Variants in CNN1 observed in about 807,000 individuals in gnomAD.
CNN1 encodes calponin 1.
A neutral mutation model predicts 35.3 loss-of-function variants in CNN1; 21 were observed. That is an observed-to-expected ratio of 0.60 (90% CI 0.42 to 0.86). CNN1 has a LOEUF of 0.86. CNN1 is among the 40% of genes least tolerant of loss of function. CNN1 has a pLI of 0.00. For missense variants in CNN1, 314 were observed against 400.8 expected (o/e 0.78, Z 1.85); for synonymous variants, 164 against 161.8 (o/e 1.01, Z -0.10).
chr19:11,540,076 G>A, intron 1 of CNN1: 1 of 1,034,596 alleles, frequency 9.7e-7, no homozygotes, highest in Non-Finnish European at 1.2e-6. Context: ...AGAAGAGGCA[G>A]CCCGGTCCCC....
At position 11,541,184 on chromosome 19, in the gene CNN1, A is replaced by G. The variant is rs767059100; in HGVS notation, c.172A>G (p.Ile58Val). 1.3e-6 allele frequency: 2 copies of G among 1,586,692 alleles called. No homozygotes were observed. Among genetic ancestry groups the G allele is most frequent in the Admixed American group, 3.5e-5 (2 of 57,252 alleles). Residue 58 changes from isoleucine to valine, a missense_variant, in exon 2 of 7, where the codon ATC becomes GTC. Coordinates refer to ENST00000252456, the MANE Select transcript of CNN1 (RefSeq NM_001299.6). Reference sequence around the variant, plus strand: ...CTTCATGGACGGCCTCAAAGATGGCATCATTCTTTGCGAGTGAGTGAGGCT... The same window carrying G: ...CTTCATGGACGGCCTCAAAGATGGCGTCATTCTTTGCGAGTGAGTGAGGCT... ...NNFMDGLKDG[I>V]ILCEFINKLQ...
intron 2 of CNN1, among the ~76,000 whole-genome samples, chr19:11,541,736 G>A (rs188847234): frequency 2.4e-4 from 36 of 151,892 alleles, no homozygotes; most frequent in African/African-American, 7.2e-4. Flanking sequence ...TTACAGGCAC[G>A]CACCACCATG....
At chr19:11,539,194 G>A (rs553230395) in intron 1 of CNN1, 17 of 1,229,732 alleles carry the variant, frequency 1.4e-5, no homozygotes, top group African/African-American at 4.7e-5. Flanking sequence ...GAATGGGGGG[G>A]CACACAGCCA....
At chr19:11,541,379 C>T (rs1179841840) in intron 2 of CNN1, among the ~76,000 whole-genome samples, 182 bp downstream of exon 2, 1 of 152,124 alleles carries the variant, frequency 6.6e-6, no homozygotes. Context: ...AGGTGAAATG[C>T]ATTGCACCAA....
At chr19:11,539,169 C>T in intron 1 of CNN1, 179 bp downstream of exon 1, 1 of 1,161,098 alleles carries the variant, frequency 8.6e-7, no homozygotes, top group South Asian at 2.3e-5. Flanking sequence ...GAGCCCCCAG[C>T]TATGGTTGGG....
rs1293923323 is a variant in CNN1 at position 11,550,210 on chromosome 19, C to T, written c.*415C>T. The T allele has an allele frequency of 2.2e-5, 4 of 183,656 alleles. No individual in the cohort carries two copies. Among genetic ancestry groups the T allele is most frequent in the Non-Finnish European group, 3.4e-5 (3 of 89,022 alleles). The allele number at this position is 183,656 out of a possible 1,614,324, so 11.4% of individuals were successfully genotyped here. A position where few individuals can be genotyped will look rare whatever the true frequency, so the allele number is the denominator to read the frequency against. ...TGCCCAGAGACCCAGCGGACACACGCGGTTTGGTTTGCAGCGACTGGCATA... is the reference window on the plus strand; with the variant it reads ...TGCCCAGAGACCCAGCGGACACACGTGGTTTGGTTTGCAGCGACTGGCATA... On this transcript the variant is annotated 3_prime_UTR_variant, in exon 7 of 7. Transcript: ENST00000252456.
rs1427023901 is a variant in CNN1, at chr19:11,540,050, C to A, written c.64-1026C>A. ...AGGGGGCCGCCCCTCCCACCTCCCC[C>A]CACTCACCCGGGAGAAGAAGAGGCA... On this transcript the variant is annotated intron_variant, in intron 1 of 6. Transcript: ENST00000252456. 1.2e-5 allele frequency: 12 copies of A among 1,042,632 alleles called. No individual in the cohort carries two copies. The East Asian group carries it at 4.3e-4, about 38-fold the overall frequency. 64.6% of individuals were successfully genotyped at this position (1,042,632 alleles called of 1,614,324 possible).
intron 2 of CNN1, among the ~76,000 whole-genome samples, chr19:11,543,935 G>A (rs1027453554): frequency 2.0e-5 from 3 of 151,602 alleles, no homozygotes; most frequent in Non-Finnish European, 4.4e-5. Context: ...AGAGTGTAGT[G>A]CAGTCACCCA....
intron 4 of CNN1, 126 bp downstream of exon 4, chr19:11,547,095 C>A: frequency 7.2e-7 from 1 of 1,395,470 alleles, no homozygotes; most frequent in Non-Finnish European, 9.9e-7. Context: ...GGAGCAGGTG[C>A]TGTCAACAGC....
chr19:11,539,630 G>T, intron 1 of CNN1: 1 of 732,518 alleles, frequency 1.4e-6, no homozygotes, highest in East Asian at 6.8e-5. Flanking sequence ...GCTTCTCCCA[G>T]CTGGAGAACT....
At chr19:11,546,278 G>A (rs1972579387) in intron 2 of CNN1, among the ~76,000 whole-genome samples, 1 of 152,110 alleles carries the variant, frequency 6.6e-6, no homozygotes, top group African/African-American at 2.4e-5. Context: ...GCCCCTTGTG[G>A]TCATCCCGTC....
chr19:11,541,303 A>G (rs1046426956), intron 2 of CNN1, 106 bp downstream of exon 2: 13 of 1,410,312 alleles, frequency 9.2e-6, no homozygotes, highest in South Asian at 6.1e-5. Flanking sequence ...AACACTTTCT[A>G]TTGGATACCT....
rs763355259 is a variant in CNN1 at position 11,546,690 on chromosome 19, G to A, written c.201G>A (p.Leu67=). ...GIILCEFINK[L]QPGSVKKINE... ...CTCTTCTCAGATTCATCAATAAGCT[G>A]CAGCCAGGCTCCGTGAAGAAGATCA... The change falls in exon 3 of 7, where the codon CTG becomes CTA. Residue 67 remains leucine (L), a synonymous_variant. Coordinates refer to ENST00000252456, the MANE Select transcript of CNN1 (RefSeq NM_001299.6). 6.2e-7 allele frequency: 1 copy of A among 1,614,130 alleles called. No individual in the cohort carries two copies. The highest frequency in any genetic ancestry group is 1.1e-5 in the South Asian group (1 of 91,082).
At chr19:11,546,796 C>T in intron 3 of CNN1, 36 bp from the exon 4 acceptor site, 2 of 1,614,152 alleles carry the variant, frequency 1.2e-6, no homozygotes, top group Non-Finnish European at 1.7e-6. Flanking sequence ...CAGACCTCCC[C>T]TCCCCACCCA....
intron 2 of CNN1, among the ~76,000 whole-genome samples, chr19:11,542,717 A>G (rs1267846730): frequency 2.0e-5 from 3 of 151,862 alleles, no homozygotes; most frequent in Non-Finnish European, 4.4e-5. Context: ...CTGGGATTAC[A>G]GGTGCCCGCC....
At position 11,547,784 on chromosome 19, in the gene CNN1, C is replaced by G; in HGVS notation, c.391-13C>G. 6.2e-7 allele frequency: 1 copy of G among 1,610,966 alleles called. No individual in the cohort carries two copies. Among genetic ancestry groups the G allele is most frequent in the Non-Finnish European group, 8.5e-7 (1 of 1,177,914 alleles). On this transcript the variant is annotated splice_polypyrimidine_tract_variant and intron_variant, in intron 4 of 6. Transcript: ENST00000252456. ...GCCCCCTTGTCAGTCCCTGCTTTCC[C>G]TGCCCCACCTAGGCGAAGACGAAAG...
chr19:11,539,023 C>T, intron 1 of CNN1, 33 bp downstream of exon 1: 1 of 1,526,350 alleles, frequency 6.6e-7, no homozygotes, highest in Admixed American at 2.0e-5. Context: ...GCCTGGCCCA[C>T]ACGTCCTGCC....
chr19:11,549,997 T>C lies in CNN1; in HGVS notation c.*202T>C. On this transcript the variant is annotated 3_prime_UTR_variant, in exon 7 of 7. Transcript: ENST00000252456. This position sits in a 1 kb window ranked among gnomAD's most constrained non-coding sequence, Gnocchi z 5.2. ...AAGGGGACCCTCCGCTCTGTAGTGCTACAGGGTCCAACATAGAGCCGGGTG... is the reference window on the plus strand; with the variant it reads ...AAGGGGACCCTCCGCTCTGTAGTGCCACAGGGTCCAACATAGAGCCGGGTG... 1 of 720,754 alleles carries C rather than the reference T, an allele frequency of 1.4e-6. No homozygotes were observed. 44.6% of individuals were successfully genotyped at this position (720,754 alleles called of 1,614,324 possible). A position where few individuals can be genotyped will look rare whatever the true frequency, so the allele number is the denominator to read the frequency against.
chr19:11,549,769 G>A lies in CNN1; in HGVS notation c.868G>A (p.Ala290Thr), dbSNP rs200174402. 8.4e-5 allele frequency: 135 copies of A among 1,612,656 alleles called. 1 individual carries two copies. Among genetic ancestry groups the A allele is most frequent in the Admixed American group, 3.0e-4 (18 of 59,894 alleles). Residue 290 changes from alanine to threonine, a missense_variant, in exon 7 of 7, where the codon GCA becomes ACA. Transcript: ENST00000252456. This position sits in a 1 kb window ranked among gnomAD's most constrained non-coding sequence, Gnocchi z 5.2. The stretch of plus-strand genomic sequence containing the variant: ...GGGTGAGCCCGCCCACAACCACCAC[G>A]CACACAACTACTACAATTCCGCCTA... The part of the protein sequence containing the change: ...ELGEPAHNHH[A>T]HNYYNSA
Sources: allele counts gnomAD v4.1 joint callset (sites outside exome capture counted in the v4.1 genomes callset), GRCh38; gene constraint gnomAD v4.1.1; non-coding constraint Gnocchi (gnomAD v3.1); transcripts MANE v1.5; gene names NCBI Gene and HGNC (gene_info 2026-07-23, HGNC 2026-07-21).